Variants in ROBO2 observed in about 807,000 individuals in gnomAD.
ROBO2 encodes the protein roundabout homolog 2.
Under a neutral mutation model 160.8 loss-of-function variants are expected in ROBO2, and 53 were observed. The observed-to-expected ratio is 0.33, with a 90% CI of 0.26 to 0.41. The LOEUF (loss-of-function observed/expected upper bound fraction) is 0.41. Among genes scored for constraint, ROBO2 ranks in the 10% least tolerant of loss-of-function variants. ROBO2 has a pLI of 1.00. For missense variants in ROBO2, 1,577 were observed against 1,722.4 expected (o/e 0.92, Z 1.49); for synonymous variants, 664 against 611.7 (o/e 1.09, Z -1.26).
chr3:77,314,397 G>C (rs1237735695), intron 2 of ROBO2, among the ~76,000 whole-genome samples: 1 of 152,174 alleles, frequency 6.6e-6, no homozygotes, highest in Non-Finnish European at 1.5e-5. Context: ...TCTTTAAGCA[G>C]AGTTATCTTT....
In ROBO2 at chr3:77,136,746, C is replaced by T. The variant is rs531161913; in HGVS notation, c.388+38406C>T. Among the ~76,000 whole-genome samples, 7 of 151,624 alleles carry T rather than the reference C, an allele frequency of 4.6e-5. No homozygotes were observed. In the South Asian group the frequency reaches 1.2e-3, roughly 27 times the overall value. On this transcript the variant is annotated intron_variant, in intron 2 of 25. Coordinates refer to ENST00000461745, the Ensembl canonical transcript of ROBO2. ...CCATCTCCCTGGTTCAAGTGATTCT[C>T]CTGCCTCAGCCTCCTGAGTAGCTGG...
intron 2 of ROBO2, among the ~76,000 whole-genome samples, chr3:76,234,614 T>C (rs907590890): frequency 6.6e-6 from 1 of 152,188 alleles, no homozygotes; most frequent in South Asian, 2.1e-4. Context: ...TGGTTTTGAT[T>C]TGTATTTATT....
intron 2 of ROBO2, among the ~76,000 whole-genome samples, chr3:77,450,058 CAT>C (rs1199399018): frequency 1.3e-5 from 2 of 151,794 alleles, no homozygotes; most frequent in African/African-American, 2.4e-5. Flanking sequence ...AAAGTAATAA[CAT>C]GTGTGCCAGA....
chr3:76,672,307 C>T (rs2092290108), intron 2 of ROBO2, among the ~76,000 whole-genome samples: 2 of 152,100 alleles, frequency 1.3e-5, no homozygotes, highest in Admixed American at 1.3e-4. Context: ...CCACATAAAA[C>T]TTCTACTTAT....
At chr3:76,639,439 T>C (rs973869108) in intron 2 of ROBO2, among the ~76,000 whole-genome samples, 2 of 146,952 alleles carry the variant, frequency 1.4e-5, no homozygotes, top group African/African-American at 5.2e-5. Context: ...CATATACGTG[T>C]ATATATAAGT....
intron 14 of ROBO2, among the ~76,000 whole-genome samples, chr3:77,575,361 T>TA (rs993980941): frequency 6.6e-5 from 10 of 151,858 alleles, no homozygotes; most frequent in Middle Eastern, 3.2e-3. Flanking sequence ...TCATTAAAGT[T>TA]AAAAAAAAGG....
At chr3:77,195,381 A>G (rs529672015) in intron 2 of ROBO2, among the ~76,000 whole-genome samples, 27 of 152,304 alleles carry the variant, frequency 1.8e-4, no homozygotes, top group African/African-American at 6.5e-4. Context: ...TTCAAAGGAA[A>G]TTTTATTTAA....
chr3:76,156,313 T>C (rs2072407027), intron 2 of ROBO2, among the ~76,000 whole-genome samples: 1 of 152,104 alleles, frequency 6.6e-6, no homozygotes, highest in Admixed American at 6.6e-5. Context: ...AAAAAAAGCA[T>C]TTCAAAGGTT....
chr3:77,120,676 C>T (rs759429939), intron 2 of ROBO2, among the ~76,000 whole-genome samples: 2 of 152,132 alleles, frequency 1.3e-5, no homozygotes, highest in African/African-American at 2.4e-5. Context: ...ACTTTGCCAC[C>T]TATTGCCTTG....
chr3:76,629,014 GTGT>G (rs2089855298), intron 2 of ROBO2, among the ~76,000 whole-genome samples: 1 of 152,220 alleles, frequency 6.6e-6, no homozygotes, highest in South Asian at 2.1e-4. Flanking sequence ...TGTAGAACTG[GTGT>G]TGTTGCAATC....
intron 2 of ROBO2, among the ~76,000 whole-genome samples, chr3:76,490,838 G>A (rs1452517480): frequency 6.6e-6 from 1 of 151,946 alleles, no homozygotes; most frequent in African/African-American, 2.4e-5. Context: ...GTTATTTAAA[G>A]CTTTAAAAAT....
intron 2 of ROBO2, among the ~76,000 whole-genome samples, chr3:76,906,516 G>A (rs928107592): frequency 4.6e-5 from 7 of 151,612 alleles, no homozygotes; most frequent in Non-Finnish European, 8.8e-5. Flanking sequence ...TTATTATTAA[G>A]TAAAGGGTAC....
chr3:77,609,751 A>C (rs2094589889), intron 21 of ROBO2, among the ~76,000 whole-genome samples: 1 of 149,022 alleles, frequency 6.7e-6, no homozygotes, highest in Non-Finnish European at 1.5e-5. Context: ...AAGATATAAA[A>C]CACAAAATTG....
chr3:76,380,451 T>C (rs1273492589), intron 2 of ROBO2, among the ~76,000 whole-genome samples: 1 of 152,174 alleles, frequency 6.6e-6, no homozygotes. Flanking sequence ...GTTTGAACTA[T>C]GAGGGTGCAC....
At chr3:76,176,879 A>G (rs2073251790) in intron 2 of ROBO2, among the ~76,000 whole-genome samples, 1 of 152,150 alleles carries the variant, frequency 6.6e-6, no homozygotes, top group Non-Finnish European at 1.5e-5. Context: ...ACTCAAGTGT[A>G]GAGAAGTTAA....
chr3:76,765,798 T>A (rs1446114208), intron 2 of ROBO2, among the ~76,000 whole-genome samples: 1 of 151,696 alleles, frequency 6.6e-6, no homozygotes, highest in African/African-American at 2.4e-5. Flanking sequence ...ACACTCCAGG[T>A]GCAAACTATT....
intron 2 of ROBO2, among the ~76,000 whole-genome samples, chr3:77,384,012 A>G (rs1394406145): frequency 6.6e-6 from 1 of 152,158 alleles, no homozygotes; most frequent in Non-Finnish European, 1.5e-5. Flanking sequence ...GAGTTTACTA[A>G]TTGACAAATG....
intron 2 of ROBO2, among the ~76,000 whole-genome samples, chr3:77,171,467 A>AT (rs936101124): frequency 6.6e-5 from 10 of 152,284 alleles, no homozygotes; most frequent in Non-Finnish European, 1.0e-4. Flanking sequence ...TATTTTACTT[A>AT]TTTTTTCTAA....
Position 76,010,767 on chromosome 3 carries a change from C to G in ROBO2, c.109+73165C>G, listed in dbSNP as rs539758592. On this transcript the variant is annotated intron_variant, in intron 2 of 26. Transcript: ENST00000487694. ...TTCACATTGTCAGTTTTGTATAAAT[C>G]CACTTGTTGGAGAAAAGTGTTGAAA... 5.1e-4 allele frequency among the ~76,000 whole-genome samples: 78 copies of G among 152,172 alleles called. No homozygotes were observed. In the South Asian group the frequency reaches 0.016, roughly 31 times the overall value.
Sources: gnomAD v4.1 joint callset for allele counts (sites outside exome capture counted in the v4.1 genomes callset) on GRCh38, gnomAD v4.1.1 for gene constraint, MANE v1.5 for transcripts, NCBI Gene and HGNC (gene_info 2026-07-23, HGNC 2026-07-21) for gene names.